The following ESR1 variants were observed in gnomAD, a reference collection of about 807,000 sequenced individuals.
ESR1 encodes the protein estrogen receptor.
A neutral mutation model predicts 52.7 loss-of-function variants in ESR1; 12 were observed. That is an observed-to-expected ratio of 0.23 (90% CI 0.15 to 0.37). ESR1 has a LOEUF of 0.37. Ranked by LOEUF, ESR1 falls within the 10% of genes least tolerant of loss-of-function variation. The pLI, the probability that ESR1 is intolerant of heterozygous loss-of-function variation, is 1.00. For missense variants in ESR1, 584 were observed against 779.7 expected (o/e 0.75, Z 2.99); for synonymous variants, 305 against 316.8 (o/e 0.96, Z 0.39).
chr6:151,706,293 A>AT (rs1350321020), intron 2 of ESR1, among the ~76,000 whole-genome samples: 1 of 152,178 alleles, frequency 6.6e-6, no homozygotes, highest in African/African-American at 2.4e-5. Context: ...TAGTTTTGTG[A>AT]TTTTGACTCA....
exon 7 of ESR1, chr6:152,126,225 T>G (rs1437682463): frequency 6.6e-6 from 1 of 152,132 alleles, no homozygotes; most frequent in Non-Finnish European, 1.5e-5. Flanking sequence ...ATCCGAACTA[T>G]CCACTGGGAA....
chr6:151,747,561 T>C (rs1010364160), intron 2 of ESR1, among the ~76,000 whole-genome samples: 5 of 152,186 alleles, frequency 3.3e-5, no homozygotes, highest in Admixed American at 2.0e-4. Context: ...CTATTTTTTT[T>C]CCAGTTTTAT....
At chr6:151,749,898 C>T (rs759128453) in intron 2 of ESR1, among the ~76,000 whole-genome samples, 15 of 152,122 alleles carry the variant, frequency 9.9e-5, no homozygotes, top group Non-Finnish European at 7.4e-5. Context: ...CAAGATTATT[C>T]TATAGAACAT....
intron 2 of ESR1, among the ~76,000 whole-genome samples, chr6:151,717,725 C>T (rs1349055556): frequency 6.6e-6 from 1 of 151,918 alleles, no homozygotes; most frequent in African/African-American, 2.4e-5. Flanking sequence ...CCAAATTGTC[C>T]ATATTAATCA....
At chr6:151,725,758 A>G (rs2128029361) in intron 2 of ESR1, among the ~76,000 whole-genome samples, 1 of 152,388 alleles carries the variant, frequency 6.6e-6, no homozygotes, top group East Asian at 1.9e-4. Flanking sequence ...AAGAAATATA[A>G]GGTCTGAATT....
chr6:152,015,477 C>A (rs1206306890), intron 5 of ESR1, among the ~76,000 whole-genome samples: 1 of 152,148 alleles, frequency 6.6e-6, no homozygotes, highest in Non-Finnish European at 1.5e-5. Flanking sequence ...TCTTACCTTC[C>A]CTACTAGCTC....
intron 2 of ESR1, among the ~76,000 whole-genome samples, chr6:151,791,360 C>T (rs900921476): frequency 5.3e-5 from 8 of 152,174 alleles, no homozygotes; most frequent in African/African-American, 1.4e-4. Flanking sequence ...AATGGGAGTT[C>T]TCTTTCACGA....
rs549994076 is a variant in ESR1 at position 152,059,329 on chromosome 6, T to G, written c.1236-1662T>G. 1.4e-4 allele frequency among the ~76,000 whole-genome samples: 22 copies of G among 152,010 alleles called. No individual in the cohort carries two copies. In the South Asian group the frequency reaches 4.6e-3, roughly 31 times the overall value. On this transcript the variant is annotated intron_variant, in intron 5 of 7. Transcript: ENST00000206249. ...TTATATGTAAAATTTTTTTATTTAT[T>G]TTTCTTTGCTTTTAAAAGCAAGACA...
intron 3 of ESR1, among the ~76,000 whole-genome samples, chr6:151,940,413 T>A (rs1443814920): frequency 6.6e-6 from 1 of 152,236 alleles, no homozygotes; most frequent in Non-Finnish European, 1.5e-5. Context: ...GATTATTTGA[T>A]GATTTTATAA....
chr6:151,797,149 C>T (rs1290931820), intron 2 of ESR1, among the ~76,000 whole-genome samples: 1 of 152,194 alleles, frequency 6.6e-6, no homozygotes, highest in African/African-American at 2.4e-5. Flanking sequence ...GCTAGATTAC[C>T]CAAAAAAGTA....
chr6:151,850,046 T>G, intron 2 of ESR1, among the ~76,000 whole-genome samples: 1 of 57,472 alleles, frequency 1.7e-5, no homozygotes, highest in South Asian at 5.1e-4. Flanking sequence ...ATATATAATT[T>G]TATATATATA....
At chr6:151,687,723 G>T (rs1391092915), upstream of ESR1, among the ~76,000 whole-genome samples, 2 of 152,048 alleles carry the variant, frequency 1.3e-5, no homozygotes, top group Admixed American at 6.5e-5. Flanking sequence ...ATCACAAAAA[G>T]GTTGGAACCT....
chr6:151,846,660 T>G (rs1785176145), intron 2 of ESR1, among the ~76,000 whole-genome samples: 1 of 152,206 alleles, frequency 6.6e-6, no homozygotes, highest in South Asian at 2.1e-4. Flanking sequence ...CATACAAATT[T>G]TCATCCACTA....
At chr6:151,678,518 G>A (rs367619014) in intron 1 of ESR1, among the ~76,000 whole-genome samples, 1 of 151,658 alleles carries the variant, frequency 6.6e-6, no homozygotes, top group East Asian at 1.9e-4. Flanking sequence ...CCCAAAAATC[G>A]GAACATCTGT....
intron 2 of ESR1, among the ~76,000 whole-genome samples, chr6:151,764,492 G>C (rs563735290): frequency 5.4e-4 from 82 of 152,200 alleles, no homozygotes; most frequent in African/African-American, 1.8e-3. Context: ...GACGGCCAGT[G>C]GGGGGCTGCT....
chr6:151,876,914 A>G lies in ESR1; in HGVS notation c.644-3741A>G, dbSNP rs1295032146. 5.9e-5 allele frequency among the ~76,000 whole-genome samples: 9 copies of G among 152,120 alleles called. No individual in the cohort carries two copies. The South Asian group carries it at 1.0e-3, about 18-fold the overall frequency. On this transcript the variant is annotated intron_variant, in intron 2 of 7. Coordinates refer to ENST00000206249, the MANE Select transcript of ESR1 (RefSeq NM_000125.4). Reference sequence around the variant, plus strand: ...GCTTGGTTCATCCGGGCCTGCACAGAAGGACTTTTCGGGCCAGTCTGGTCA... The same window carrying G: ...GCTTGGTTCATCCGGGCCTGCACAGGAGGACTTTTCGGGCCAGTCTGGTCA...
chr6:151,911,754 C>T (rs771210185), intron 3 of ESR1, among the ~76,000 whole-genome samples: 7 of 152,234 alleles, frequency 4.6e-5, no homozygotes, highest in Non-Finnish European at 7.3e-5. Context: ...CCCTTCCCCA[C>T]ACCAGTTAGC....
chr6:151,928,380 A>T (rs2033082119), intron 3 of ESR1, among the ~76,000 whole-genome samples: 1 of 152,228 alleles, frequency 6.6e-6, no homozygotes, highest in Admixed American at 6.5e-5. Context: ...ATGATCACAT[A>T]GCTGACTGAG....
At chr6:151,875,610 C>T (rs909156545) in intron 2 of ESR1, among the ~76,000 whole-genome samples, 3 of 152,102 alleles carry the variant, frequency 2.0e-5, no homozygotes, top group Non-Finnish European at 4.4e-5. Context: ...GAGACACAAA[C>T]TAAGCATGGC....
Sources: gnomAD v4.1 joint callset for allele counts (sites outside exome capture counted in the v4.1 genomes callset) on GRCh38, gnomAD v4.1.1 for gene constraint, MANE v1.5 for transcripts, NCBI Gene and HGNC (gene_info 2026-07-23, HGNC 2026-07-21) for gene names.